The following RTN3 variants were observed in gnomAD, a reference collection of about 807,000 sequenced individuals.
RTN3 encodes reticulon-3.
In RTN3, 49 loss-of-function variants were observed where a neutral mutation model predicts 77.8. The observed-to-expected ratio is 0.63, with a 90% CI of 0.50 to 0.80. The LOEUF is 0.80. Ranked by LOEUF, RTN3 falls within the 30% of genes least tolerant of loss-of-function variation. The probability of loss-of-function intolerance (pLI) is 0.00; values close to 1 mark genes in which losing one functional copy is unlikely to be tolerated. For missense variants in RTN3, 1,236 were observed against 1,211.9 expected (o/e 1.02, Z -0.29); for synonymous variants, 464 against 446.9 (o/e 1.04, Z -0.48).
chr11:63,759,296 AATC>A lies in RTN3; in HGVS notation c.*1099_*1101del, dbSNP rs1480351127. ...GAGAATTCAGCGAACTTGAAAGAAA[AATC>A]ATCTGTGAGTTCCTTCAGGTTCTCA... On this transcript the variant is annotated 3_prime_UTR_variant, in exon 9 of 9. Coordinates refer to ENST00000377819, the MANE Select transcript of RTN3 (RefSeq NM_001265589.2). The A allele has an allele frequency of 1.3e-5, 2 of 152,264 alleles. No individual in the cohort carries two copies. Among genetic ancestry groups the A allele is most frequent in the African/African-American group, 2.4e-5 (1 of 41,430 alleles). The allele number at this position is 152,264 out of a possible 1,614,324, so 9.4% of individuals were successfully genotyped here. A position where few individuals can be genotyped will look rare whatever the true frequency, so the allele number is the denominator to read the frequency against.
At position 63,744,823 on chromosome 11, in the gene RTN3, C is replaced by A. The variant is rs114424107; in HGVS notation, c.2531-5168C>A. Among the ~76,000 whole-genome samples the A allele has an allele frequency of 4.0e-3, 608 of 152,252 alleles. 5 individuals carry two copies. Among genetic ancestry groups the A allele is most frequent in the African/African-American group, 0.014 (568 of 41,542 alleles). On this transcript the variant is annotated intron_variant, in intron 3 of 8. Coordinates refer to ENST00000377819, the MANE Select transcript of RTN3 (RefSeq NM_001265589.2). ...CATGGGCAACATGACAAAACCCTGC[C>A]TCTACAAAAAATAGAAAAATCAACC...
chr11:63,750,729 G>GT (rs1353327150), intron 4 of RTN3, among the ~76,000 whole-genome samples: 2 of 150,462 alleles, frequency 1.3e-5, no homozygotes, highest in African/African-American at 4.9e-5. Context: ...TGTTTTTTTT[G>GT]TTTTTTGTTT....
intron 3 of RTN3, among the ~76,000 whole-genome samples, chr11:63,736,815 C>T (rs751694950): frequency 6.6e-6 from 1 of 152,086 alleles, no homozygotes; most frequent in Non-Finnish European, 1.5e-5. Context: ...GAATCTCATT[C>T]AGATACTGAG....
intron 3 of RTN3, among the ~76,000 whole-genome samples, chr11:63,744,828 C>CA (rs2013701506): frequency 1.3e-5 from 2 of 152,062 alleles, no homozygotes; most frequent in African/African-American, 4.8e-5. Context: ...CCTGCCTCTA[C>CA]AAAAAATAGA....
chr11:63,700,605 T>C (rs977966202), intron 1 of RTN3, among the ~76,000 whole-genome samples: 1 of 151,144 alleles, frequency 6.6e-6, no homozygotes, highest in Non-Finnish European at 1.5e-5. Flanking sequence ...CCCCATCCTT[T>C]TTATTTTTTT....
chr11:63,753,454 C>T (rs377659018), intron 6 of RTN3, among the ~76,000 whole-genome samples: 1 of 152,180 alleles, frequency 6.6e-6, no homozygotes, highest in East Asian at 1.9e-4. Flanking sequence ...AGAAGGTAGC[C>T]TGTATACCTG....
intron 1 of RTN3, among the ~76,000 whole-genome samples, chr11:63,690,075 T>A (rs1172659452): frequency 6.6e-6 from 1 of 152,128 alleles, no homozygotes; most frequent in Non-Finnish European, 1.5e-5. Flanking sequence ...GAACTATTCT[T>A]ACCTGTTTTC....
chr11:63,756,018 T>A (rs1254209856), intron 7 of RTN3, 94 bp from the exon 8 acceptor site: 3 of 893,656 alleles, frequency 3.4e-6, no homozygotes, highest in Non-Finnish European at 5.6e-6. Flanking sequence ...CAGTCGTGTT[T>A]AAAAAATGGT....
intron 3 of RTN3, among the ~76,000 whole-genome samples, chr11:63,733,961 T>TAC (rs746463656): frequency 1.3e-5 from 2 of 151,928 alleles, no homozygotes; most frequent in Middle Eastern, 3.2e-3. Flanking sequence ...CATATATATA[T>TAC]ACACACACAC....
intron 3 of RTN3, among the ~76,000 whole-genome samples, chr11:63,741,582 C>G (rs956801759): frequency 1.3e-5 from 2 of 151,828 alleles, no homozygotes; most frequent in African/African-American, 4.8e-5. Flanking sequence ...TCACTGCAAC[C>G]TCTGCCTCCC....
In RTN3 at chr11:63,758,382, G is replaced by C. The variant is rs2014498165; in HGVS notation, c.*181G>C. The C allele has an allele frequency of 6.4e-7, 1 of 1,553,516 alleles. No individual in the cohort carries two copies. Among genetic ancestry groups the C allele is most frequent in the Admixed American group, 1.9e-5 (1 of 52,488 alleles). On this transcript the variant is annotated 3_prime_UTR_variant, in exon 9 of 9. Transcript: ENST00000377819. ...ACCCTCAGTATCAAGCACAAAAATTGATGGACTGATAAAAGAACTATCTTA... is the reference window on the plus strand; with the variant it reads ...ACCCTCAGTATCAAGCACAAAAATTCATGGACTGATAAAAGAACTATCTTA...
At chr11:63,688,649 C>G (rs991524047) in intron 1 of RTN3, among the ~76,000 whole-genome samples, 2 of 152,140 alleles carry the variant, frequency 1.3e-5, no homozygotes, top group African/African-American at 4.8e-5. Context: ...ATTGTCATTT[C>G]TAAGGGGTTG....
intron 1 of RTN3, among the ~76,000 whole-genome samples, chr11:63,684,700 TG>T (rs761453160): frequency 1.3e-5 from 2 of 152,240 alleles, no homozygotes; most frequent in Non-Finnish European, 2.9e-5. Flanking sequence ...TAGTAGTACT[TG>T]GTAAGTATTT....
At chr11:63,725,747 C>T (rs749257033) in intron 3 of RTN3, among the ~76,000 whole-genome samples, 3 of 152,284 alleles carry the variant, frequency 2.0e-5, no homozygotes, top group Non-Finnish European at 2.9e-5. Context: ...CCACCGCGCC[C>T]GGCCTTAAGT....
intron 3 of RTN3, among the ~76,000 whole-genome samples, chr11:63,740,574 G>T (rs951357110): frequency 6.6e-6 from 1 of 150,950 alleles, no homozygotes; most frequent in Non-Finnish European, 1.5e-5. Context: ...TGGGATAACA[G>T]GCATGAGCCA....
intron 3 of RTN3, among the ~76,000 whole-genome samples, chr11:63,724,555 G>A (rs1590844443): frequency 8.0e-6 from 1 of 124,786 alleles, no homozygotes; most frequent in African/African-American, 3.1e-5. Flanking sequence ...GCAATGGCAC[G>A]ATCTCGGGTC....
intron 2 of RTN3, among the ~76,000 whole-genome samples, chr11:63,710,175 C>T (rs1383194534): frequency 6.6e-6 from 1 of 152,010 alleles, no homozygotes; most frequent in African/African-American, 2.4e-5. Flanking sequence ...AATGTATTTA[C>T]TCATAAGTAT....
intron 1 of RTN3, among the ~76,000 whole-genome samples, chr11:63,684,171 C>T (rs1300757231): frequency 2.1e-4 from 23 of 109,820 alleles, no homozygotes; most frequent in South Asian, 1.3e-3. Context: ...TTTTTTGAGA[C>T]GGAGTCTCGC....
chr11:63,687,828 C>T (rs913836486), intron 1 of RTN3, among the ~76,000 whole-genome samples: 2 of 152,116 alleles, frequency 1.3e-5, no homozygotes, highest in African/African-American at 4.8e-5. Context: ...TTAATAGATA[C>T]CACATAGCAG....
Sources: gnomAD v4.1 joint callset for allele counts (sites outside exome capture counted in the v4.1 genomes callset) on GRCh38, gnomAD v4.1.1 for gene constraint, MANE v1.5 for transcripts, NCBI Gene and HGNC (gene_info 2026-07-23, HGNC 2026-07-21) for gene names.